Variants in KHDRBS2 observed in about 807,000 individuals in gnomAD.
KHDRBS2 encodes KH domain-containing, RNA-binding, signal transduction-associated protein 2.
Under a neutral mutation model 44.3 loss-of-function variants are expected in KHDRBS2, and 26 were observed. The ratio of observed to expected loss-of-function variants is 0.59; its 90% CI spans 0.43 to 0.81. The LOEUF is 0.81. KHDRBS2 is among the 40% of genes least tolerant of loss of function. KHDRBS2 has a pLI of 0.00. For synonymous variants in KHDRBS2, 194 were observed against 151.1 expected, an observed-to-expected ratio of 1.28 and a Z score of -2.08; for missense variants, 476 against 433.1, an observed-to-expected ratio of 1.10 and a Z score of -0.88.
At chr6:62,008,904 G>A (rs1377657999) in intron 3 of KHDRBS2, among the ~76,000 whole-genome samples, 1 of 152,024 alleles carries the variant, frequency 6.6e-6, no homozygotes, top group African/African-American at 2.4e-5. Flanking sequence ...TTTGTAAATT[G>A]CCCAGTCTCA....
chr6:62,213,752 T>C (rs1298272136), intron 1 of KHDRBS2, among the ~76,000 whole-genome samples: 2 of 151,678 alleles, frequency 1.3e-5, no homozygotes, highest in African/African-American at 2.4e-5. Context: ...TGGACACCCG[T>C]AGTCCCAGCT....
intron 6 of KHDRBS2, among the ~76,000 whole-genome samples, chr6:61,770,967 A>T (rs1780786062): frequency 6.6e-6 from 1 of 152,252 alleles, no homozygotes; most frequent in Non-Finnish European, 1.5e-5. Flanking sequence ...AGGGAAGCCC[A>T]TCAGACTAAC....
chr6:61,904,710 T>G (rs1435022658), intron 4 of KHDRBS2, among the ~76,000 whole-genome samples: 1 of 152,188 alleles, frequency 6.6e-6, no homozygotes, highest in Admixed American at 6.5e-5. Context: ...CCTTATAACT[T>G]CATTGCACCA....
At chr6:61,948,863 C>T (rs1021830) in intron 4 of KHDRBS2, among the ~76,000 whole-genome samples, 131,998 of 151,592 alleles carry the variant, frequency 0.87, 57,974 homozygotes, top group African/African-American at 0.97. Flanking sequence ...GGTGATAGTG[C>T]TGATGGTGAG....
intron 3 of KHDRBS2, among the ~76,000 whole-genome samples, chr6:61,997,045 T>G (rs1328293450): frequency 1.3e-5 from 2 of 152,188 alleles, no homozygotes; most frequent in East Asian, 3.9e-4. Context: ...CCTCCCAAAG[T>G]GCTGGGATTA....
At chr6:61,560,178 T>C in the KHDRBS2 span, among the ~76,000 whole-genome samples, 1 of 152,182 alleles carries the variant, frequency 6.6e-6, no homozygotes, top group Non-Finnish European at 1.5e-5. Flanking sequence ...GTTAGACATA[T>C]TGGAGCTCCA....
chr6:61,652,956 A>C, the KHDRBS2 span, among the ~76,000 whole-genome samples: 4 of 152,144 alleles, frequency 2.6e-5, no homozygotes, highest in Non-Finnish European at 5.9e-5. Context: ...AATTGGGTAG[A>C]ATAAACAGAT....
intron 4 of KHDRBS2, among the ~76,000 whole-genome samples, chr6:61,958,152 A>T (rs952712862): frequency 1.3e-5 from 2 of 151,944 alleles, no homozygotes; most frequent in Non-Finnish European, 2.9e-5. Context: ...TGTTCTCTGT[A>T]CTCCCATTCT....
At chr6:61,943,980 A>T (rs1420583967) in intron 4 of KHDRBS2, among the ~76,000 whole-genome samples, 1 of 152,252 alleles carries the variant, frequency 6.6e-6, no homozygotes, top group African/African-American at 2.4e-5. Flanking sequence ...CTGTTAGAAT[A>T]GCTATTATGA....
intron 2 of KHDRBS2, among the ~76,000 whole-genome samples, chr6:62,145,909 GA>G (rs1324392615): frequency 4.6e-5 from 7 of 151,772 alleles, no homozygotes; most frequent in Non-Finnish European, 1.0e-4. Flanking sequence ...AGGTATATAT[GA>G]AACATAAATG....
chr6:61,899,982 T>C (rs1803675830), intron 5 of KHDRBS2, among the ~76,000 whole-genome samples: 1 of 151,954 alleles, frequency 6.6e-6, no homozygotes, highest in Non-Finnish European at 1.5e-5. Context: ...CATAAAAAAG[T>C]ACAGTATTGT....
intron 1 of KHDRBS2, among the ~76,000 whole-genome samples, chr6:62,278,808 G>C (rs115125448): frequency 6.4e-4 from 97 of 152,068 alleles, no homozygotes; most frequent in African/African-American, 2.2e-3. Flanking sequence ...ATTAAAGGCA[G>C]ACACGGCCAG....
At chr6:61,666,582 C>G in the KHDRBS2 span, among the ~76,000 whole-genome samples, 24 of 151,354 alleles carry the variant, frequency 1.6e-4, no homozygotes, top group Non-Finnish European at 3.0e-4. Context: ...CTGAAGTGTA[C>G]AGCACAGTGG....
intron 4 of KHDRBS2, among the ~76,000 whole-genome samples, chr6:61,959,098 T>C (rs1460313834): frequency 6.6e-6 from 1 of 152,204 alleles, no homozygotes; most frequent in Non-Finnish European, 1.5e-5. Context: ...TGTTTAAACA[T>C]TTTACACATC....
At chr6:61,681,654 A>T (rs1472779115) in intron 8 of KHDRBS2, among the ~76,000 whole-genome samples, 1 of 151,906 alleles carries the variant, frequency 6.6e-6, no homozygotes, top group African/African-American at 2.4e-5. Flanking sequence ...AAACACAAAG[A>T]TATCAGTTTT....
chr6:61,580,781 C>T, the KHDRBS2 span, among the ~76,000 whole-genome samples: 8 of 151,996 alleles, frequency 5.3e-5, no homozygotes, highest in African/African-American at 7.2e-5. Context: ...CCGACCGGTC[C>T]GGACACATCT....
At chr6:61,928,429 A>G (rs1302034659) in intron 4 of KHDRBS2, among the ~76,000 whole-genome samples, 2 of 152,120 alleles carry the variant, frequency 1.3e-5, no homozygotes, top group African/African-American at 4.8e-5. Context: ...CACTGTGTGG[A>G]AATAGGTTAG....
intron 3 of KHDRBS2, among the ~76,000 whole-genome samples, chr6:62,042,540 T>C (rs1201261216): frequency 6.6e-6 from 1 of 152,092 alleles, no homozygotes; most frequent in African/African-American, 2.4e-5. Flanking sequence ...AGTCACAGCC[T>C]GACTGACAAG....
chr6:61,673,849 C>T, the KHDRBS2 span, among the ~76,000 whole-genome samples: 4,064 of 144,798 alleles, frequency 0.028, 211 homozygotes, highest in African/African-American at 0.1. Context: ...GCCATACTGC[C>T]CAAGGTAATT....
Sources: allele counts gnomAD v4.1 joint callset (sites outside exome capture counted in the v4.1 genomes callset), GRCh38; gene constraint gnomAD v4.1.1; transcripts MANE v1.5; gene names NCBI Gene and HGNC (gene_info 2026-07-23, HGNC 2026-07-21).